The following SLC25A13 variants were observed in gnomAD, a reference collection of about 807,000 sequenced individuals.
SLC25A13 encodes solute carrier family 25 member 13, also known as electrogenic aspartate/glutamate antiporter SLC25A13, mitochondrial.
Under a neutral mutation model 85.5 loss-of-function variants are expected in SLC25A13, and 70 were observed. That is an observed-to-expected ratio of 0.82 (90% CI 0.68 to 1.00). The LOEUF (loss-of-function observed/expected upper bound fraction) is 1.00. Among genes scored for constraint, SLC25A13 ranks in the 50% least tolerant of loss-of-function variants. SLC25A13 has a pLI of 0.00. For synonymous variants in SLC25A13, 259 were observed against 288.7 expected (o/e 0.90, Z 1.04); for missense variants, 765 against 819.8 (o/e 0.93, Z 0.82).
rs569518758 is a variant in SLC25A13, at chr7:96,290,538, G to T, written c.69+6360C>A. On this transcript the variant is annotated intron_variant, in intron 2 of 17. Coordinates refer to ENST00000265631, the MANE Select transcript of SLC25A13 (RefSeq NM_014251.3). The stretch of plus-strand genomic sequence containing the variant: ...GCTGTATTCAGCAAACCCATCTCAC[G>T]TGCAGAGACACACATAGGCTCAAAA... Among the ~76,000 whole-genome samples the T allele has an allele frequency of 3.3e-5, 5 of 150,352 alleles. No homozygotes were observed. In the South Asian group the frequency reaches 1.1e-3, roughly 32 times the overall value.
At chr7:96,299,780 G>T (rs1472897244) in intron 1 of SLC25A13, among the ~76,000 whole-genome samples, 1 of 152,186 alleles carries the variant, frequency 6.6e-6, no homozygotes, top group Non-Finnish European at 1.5e-5. Flanking sequence ...AACCTAGATG[G>T]TGTAGCCTAC....
At chr7:96,131,487 C>T (rs992375402) in intron 15 of SLC25A13, among the ~76,000 whole-genome samples, 6 of 152,120 alleles carry the variant, frequency 3.9e-5, no homozygotes, top group African/African-American at 1.2e-4. Context: ...AATTGGAGTT[C>T]CACAATACCA....
chr7:96,231,528 C>G (rs1173070218), intron 4 of SLC25A13, among the ~76,000 whole-genome samples: 3 of 151,988 alleles, frequency 2.0e-5, no homozygotes. Context: ...AGTTTGAGAC[C>G]ATCCTGACCA....
At chr7:96,252,834 C>A (rs745406273) in intron 3 of SLC25A13, among the ~76,000 whole-genome samples, 1 of 152,134 alleles carries the variant, frequency 6.6e-6, no homozygotes, top group African/African-American at 2.4e-5. Flanking sequence ...TGGGTCACAC[C>A]TGTAATCCCA....
At chr7:96,138,898 C>T (rs1248123718) in intron 14 of SLC25A13, among the ~76,000 whole-genome samples, 1 of 152,146 alleles carries the variant, frequency 6.6e-6, no homozygotes, top group East Asian at 1.9e-4. Context: ...TTCAAGCCAT[C>T]TCCTTTTAAT....
chr7:96,123,648 G>C (rs1475566435), intron 15 of SLC25A13, among the ~76,000 whole-genome samples: 1 of 152,152 alleles, frequency 6.6e-6, no homozygotes, highest in Admixed American at 6.5e-5. Flanking sequence ...TCCATTGTCA[G>C]CTCCAGTTTC....
intron 2 of SLC25A13, chr7:96,283,853 G>C (rs1798782510): frequency 6.8e-6 from 1 of 146,054 alleles, no homozygotes; most frequent in Non-Finnish European, 1.5e-5. Flanking sequence ...AAGACCTCTG[G>C]ATTGTAAAAA....
At chr7:96,144,262 G>A (rs1562791687) in intron 14 of SLC25A13, among the ~76,000 whole-genome samples, 1 of 152,142 alleles carries the variant, frequency 6.6e-6, no homozygotes, top group African/African-American at 2.4e-5. Flanking sequence ...AACCAGACTT[G>A]TAATACAAGA....
intron 3 of SLC25A13, among the ~76,000 whole-genome samples, chr7:96,256,075 G>T (rs1485900116): frequency 6.6e-6 from 1 of 152,034 alleles, no homozygotes; most frequent in African/African-American, 2.4e-5. Flanking sequence ...CCTGAAGGAA[G>T]CACTAAATAT....
chr7:96,259,630 T>C (rs1584525512), intron 3 of SLC25A13, among the ~76,000 whole-genome samples: 1 of 152,164 alleles, frequency 6.6e-6, no homozygotes, highest in Non-Finnish European at 1.5e-5. Flanking sequence ...ACTTCAACCA[T>C]TGTGGAAGTC....
chr7:96,265,595 A>G (rs1198708852), intron 3 of SLC25A13, among the ~76,000 whole-genome samples: 1 of 152,228 alleles, frequency 6.6e-6, no homozygotes, highest in Non-Finnish European at 1.5e-5. Context: ...ATCTTGTGTA[A>G]TCAAGAGCAA....
intron 1 of SLC25A13, among the ~76,000 whole-genome samples, chr7:96,314,963 T>C (rs1199834559): frequency 6.6e-6 from 1 of 152,130 alleles, no homozygotes; most frequent in Non-Finnish European, 1.5e-5. Context: ...AGGAGAGGGC[T>C]CTGAGACCAG....
rs574172975 is a variant in SLC25A13 at position 96,297,245 on chromosome 7, G to A, written c.16-294C>T. Among the ~76,000 whole-genome samples, 7 of 152,184 alleles carry A rather than the reference G, an allele frequency of 4.6e-5. No individual in the cohort carries two copies. The East Asian group carries it at 1.2e-3, about 25-fold the overall frequency. On this transcript the variant is annotated intron_variant, in intron 1 of 17. Transcript: ENST00000265631. ...AAAAGGTGAAACATTGCAAACACCTGTCATTTTTTACTTATAATCCAGTGT... is the reference window on the plus strand; with the variant it reads ...AAAAGGTGAAACATTGCAAACACCTATCATTTTTTACTTATAATCCAGTGT...
At chr7:96,232,479 A>G (rs1427925631) in intron 4 of SLC25A13, among the ~76,000 whole-genome samples, 1 of 152,122 alleles carries the variant, frequency 6.6e-6, no homozygotes, top group East Asian at 1.9e-4. Context: ...ATCAGGAAAA[A>G]TAACTAATGG....
Position 96,296,906 on chromosome 7 carries a change from A to C in SLC25A13, c.61T>G (p.Phe21Val). ...RADPAELRTI[F>V]LKYASIEKNG... is the part of the protein sequence containing the mutation. Reference sequence around the variant, plus strand: ...GATTCCTTTATACTGACCTTCAAAAATATTGTTCTAAGCTCAGCTGGATCT... The same window carrying C: ...GATTCCTTTATACTGACCTTCAAAACTATTGTTCTAAGCTCAGCTGGATCT... The change falls in exon 2 of 18, where the codon TTT becomes GTT. Residue 21 changes from phenylalanine (F) to valine (V), a missense_variant. Phe to Val is a conservative substitution (Grantham distance 50). Coordinates refer to ENST00000265631, the MANE Select transcript of SLC25A13 (RefSeq NM_014251.3). 6.2e-7 allele frequency: 1 copy of C among 1,613,452 alleles called. No homozygotes were observed. The highest frequency in any genetic ancestry group is 8.5e-7 in the Non-Finnish European group (1 of 1,179,446).
intron 17 of SLC25A13, 67 bp downstream of exon 17, chr7:96,121,588 C>A: frequency 2.7e-6 from 4 of 1,507,820 alleles, no homozygotes; most frequent in South Asian, 2.3e-5. Context: ...ACTGAGGTAC[C>A]TTTCCCTACG....
chr7:96,154,627 T>C lies in SLC25A13; in HGVS notation c.1312-7931A>G, dbSNP rs574967904. On this transcript the variant is annotated intron_variant, in intron 13 of 17. Coordinates refer to ENST00000265631, the MANE Select transcript of SLC25A13 (RefSeq NM_014251.3). Reference sequence around the variant, plus strand: ...TCTTAAAAAGGTAGATAAAATGTGCTACTTTGCACACAGTCAATGGTAGAG... The same window carrying C: ...TCTTAAAAAGGTAGATAAAATGTGCCACTTTGCACACAGTCAATGGTAGAG... 2.0e-5 allele frequency among the ~76,000 whole-genome samples: 3 copies of C among 152,194 alleles called. No individual in the cohort carries two copies. The South Asian group carries it at 6.2e-4, about 32-fold the overall frequency.
rs1008576518 is a variant in SLC25A13 at position 96,238,981 on chromosome 7, G to A, written c.213-4064C>T. On this transcript the variant is annotated intron_variant, in intron 3 of 17. Transcript: ENST00000265631. ...ATAGGAGACCATATACATATGCAAAGCTTATAATATATAAAGACATATATA... is the reference window on the plus strand; with the variant it reads ...ATAGGAGACCATATACATATGCAAAACTTATAATATATAAAGACATATATA... 2.8e-5 allele frequency among the ~76,000 whole-genome samples: 4 copies of A among 145,022 alleles called. No individual in the cohort carries two copies. The Admixed American group carries it at 2.8e-4, about 10-fold the overall frequency.
At chr7:96,290,620 G>T (rs1224201159) in intron 2 of SLC25A13, among the ~76,000 whole-genome samples, 2 of 151,296 alleles carry the variant, frequency 1.3e-5, no homozygotes, top group South Asian at 2.1e-4. Context: ...AAAGGCAGGG[G>T]TTGCAATCTT....
Sources: gnomAD v4.1 joint callset for allele counts (sites outside exome capture counted in the v4.1 genomes callset) on GRCh38, gnomAD v4.1.1 for gene constraint, MANE v1.5 for transcripts, NCBI Gene and HGNC (gene_info 2026-07-23, HGNC 2026-07-21) for gene names.